SPRED2: variants seen among roughly 807,000 people sequenced by gnomAD.
The protein encoded by SPRED2 is sprouty-related, EVH1 domain-containing protein 2.
Under a neutral mutation model 43.0 loss-of-function variants are expected in SPRED2, and 47 were observed. The ratio of observed to expected loss-of-function variants is 1.09; its 90% confidence interval spans 0.87 to 1.40. The LOEUF is 1.40. SPRED2 is among the 40% of genes most tolerant of loss of function. SPRED2 has a pLI of 0.00. For synonymous variants in SPRED2, 225 were observed against 225.7 expected, an observed-to-expected ratio of 1.00 and a Z score of 0.03; for missense variants, 561 against 586.4, an observed-to-expected ratio of 0.96 and a Z score of 0.45.
chr2:65,313,884 G>T lies in SPRED2; in HGVS notation c.874C>A (p.Pro292Thr), dbSNP rs1484055076. ...CGCCGCCGCGACTTGCCCCGGGAGGGCTGCGTCTTGATCACGCTGCCCCCG... is the reference window on the plus strand; with the variant it reads ...CGCCGCCGCGACTTGCCCCGGGAGGTCTGCGTCTTGATCACGCTGCCCCCG... ...GRGGSVIKTQ[P>T]SRGKSRRRKE... Residue 292 changes from proline to threonine, a missense_variant, in exon 6 of 6, where the codon CCC becomes ACC. Transcript: ENST00000356388. 1.2e-6 allele frequency: 2 copies of T among 1,610,360 alleles called. No homozygotes were observed. Among genetic ancestry groups the T allele is most frequent in the Admixed American group, 1.7e-5 (1 of 60,016 alleles).
chr2:65,427,682 T>C (rs1676588003), intron 1 of SPRED2, among the ~76,000 whole-genome samples: 1 of 152,230 alleles, frequency 6.6e-6, no homozygotes, highest in Non-Finnish European at 1.5e-5. Context: ...TCACAGCATT[T>C]TCTGGGAAGA....
intron 1 of SPRED2, among the ~76,000 whole-genome samples, chr2:65,392,652 G>A (rs949107412): frequency 2.0e-5 from 3 of 152,120 alleles, no homozygotes; most frequent in Non-Finnish European, 4.4e-5. Context: ...CAAAGCCCAT[G>A]GTACAATGGA....
intron 1 of SPRED2, among the ~76,000 whole-genome samples, chr2:65,404,200 C>T (rs776205781): frequency 3.3e-5 from 4 of 120,718 alleles, no homozygotes; most frequent in East Asian, 2.1e-4. Context: ...AGTGAGACTC[C>T]GTCTCAAAAA....
At chr2:65,386,285 C>A (rs1286749322) in intron 1 of SPRED2, among the ~76,000 whole-genome samples, 181 of 55,356 alleles carry the variant, frequency 3.3e-3, no homozygotes, top group African/African-American at 8.2e-3. Flanking sequence ...GACTCTGTCT[C>A]AAAAAAAAAA....
intron 1 of SPRED2, among the ~76,000 whole-genome samples, chr2:65,356,185 A>G (rs565529730): frequency 6.6e-6 from 1 of 152,348 alleles, no homozygotes; most frequent in Non-Finnish European, 1.5e-5. Context: ...CCACCCGTTG[A>G]AATGTCTAGG....
intron 1 of SPRED2, among the ~76,000 whole-genome samples, chr2:65,413,112 C>G (rs1676199048): frequency 6.6e-6 from 1 of 152,210 alleles, no homozygotes; most frequent in African/African-American, 2.4e-5. Context: ...ATAAATTGTC[C>G]AGCAAGTGAC....
At position 65,402,825 on chromosome 2, in the gene SPRED2, G is replaced by A. The variant is rs569636301; in HGVS notation, c.26+29137C>T. Reference sequence around the variant, plus strand: ...GAAATTTTTAAAATCAATAGGCATGGTACAGACATGCAGAAAATCATAATT... The same window carrying A: ...GAAATTTTTAAAATCAATAGGCATGATACAGACATGCAGAAAATCATAATT... On this transcript the variant is annotated intron_variant, in intron 1 of 5. Coordinates refer to ENST00000356388, the MANE Select transcript of SPRED2 (RefSeq NM_181784.3). 5.3e-5 allele frequency among the ~76,000 whole-genome samples: 8 copies of A among 152,304 alleles called. No individual in the cohort carries two copies. In the South Asian group the frequency reaches 1.4e-3, roughly 28 times the overall value.
chr2:65,338,099 C>T (rs1230425102), intron 2 of SPRED2, among the ~76,000 whole-genome samples: 1 of 152,088 alleles, frequency 6.6e-6, no homozygotes. Flanking sequence ...CATGATGTTA[C>T]AAAATCAGGG....
intron 1 of SPRED2, among the ~76,000 whole-genome samples, chr2:65,371,543 T>A (rs1675124742): frequency 6.6e-6 from 1 of 152,138 alleles, no homozygotes; most frequent in Non-Finnish European, 1.5e-5. Flanking sequence ...GCAGATGATT[T>A]CTATTGTTAC....
At chr2:65,331,308 T>C (rs577924558) in intron 4 of SPRED2, among the ~76,000 whole-genome samples, 23 of 152,348 alleles carry the variant, frequency 1.5e-4, no homozygotes, top group African/African-American at 5.5e-4. Flanking sequence ...CGTAACTTGC[T>C]GCTCTAAGCA....
intron 1 of SPRED2, among the ~76,000 whole-genome samples, chr2:65,369,399 C>T (rs754553767): frequency 6.6e-5 from 10 of 152,174 alleles, no homozygotes; most frequent in Non-Finnish European, 1.3e-4. Context: ...ATCCCCACCC[C>T]CAACCCCCAC....
chr2:65,404,952 C>A (rs1675989437), intron 1 of SPRED2, among the ~76,000 whole-genome samples: 1 of 152,210 alleles, frequency 6.6e-6, no homozygotes, highest in African/African-American at 2.4e-5. Flanking sequence ...GCCTTTAATT[C>A]CTCACTTTCC....
rs139141614 is a variant in SPRED2, at chr2:65,418,717, C to T, written c.26+13245G>A. Among the ~76,000 whole-genome samples, 678 of 152,026 alleles carry T rather than the reference C, an allele frequency of 4.5e-3. 6 individuals carry two copies. Among genetic ancestry groups the T allele is most frequent in the African/African-American group, 0.014 (589 of 41,434 alleles). Reference sequence around the variant, plus strand: ...TACACATGCACGCCACCACGCCCAGCTAAGTTTTTGTATTTTTAGTAGAGA... The same window carrying T: ...TACACATGCACGCCACCACGCCCAGTTAAGTTTTTGTATTTTTAGTAGAGA... On this transcript the variant is annotated intron_variant, in intron 1 of 5. Coordinates refer to ENST00000356388, the MANE Select transcript of SPRED2 (RefSeq NM_181784.3).
chr2:65,392,155 T>C (rs1051764099), intron 1 of SPRED2, among the ~76,000 whole-genome samples: 2 of 151,494 alleles, frequency 1.3e-5, no homozygotes, highest in African/African-American at 2.4e-5. Flanking sequence ...TGATTTCCTC[T>C]GTCATTTCTT....
At chr2:65,392,948 G>A (rs1675672138) in intron 1 of SPRED2, among the ~76,000 whole-genome samples, 2 of 152,142 alleles carry the variant, frequency 1.3e-5, no homozygotes, top group African/African-American at 4.8e-5. Flanking sequence ...AGACCTCCAT[G>A]AACTAGAGAT....
At chr2:65,408,218 C>A (rs1270784576) in intron 1 of SPRED2, among the ~76,000 whole-genome samples, 3 of 152,216 alleles carry the variant, frequency 2.0e-5, no homozygotes, top group Non-Finnish European at 2.9e-5. Flanking sequence ...GATCACCCGG[C>A]ATGTATTAGG....
rs562912113 is a variant in SPRED2, at chr2:65,333,863, A to G, written c.373+742T>C. Among the ~76,000 whole-genome samples, 108 of 152,372 alleles carry G rather than the reference A, an allele frequency of 7.1e-4. 3 individuals are homozygous for G. The South Asian group carries it at 0.022, about 31-fold the overall frequency. ...ACACTTTTATTTCTTAAGCAAATGA[A>G]ACATACATCCTTTTGTGATTAATTT... On this transcript the variant is annotated intron_variant, in intron 3 of 5. Coordinates refer to ENST00000356388, the MANE Select transcript of SPRED2 (RefSeq NM_181784.3).
chr2:65,409,027 G>A (rs1455684424), intron 1 of SPRED2, among the ~76,000 whole-genome samples: 2 of 151,980 alleles, frequency 1.3e-5, no homozygotes, highest in African/African-American at 2.4e-5. Flanking sequence ...CCTCTTCATC[G>A]ACCCCAGACC....
In SPRED2 at chr2:65,388,023, C is replaced by T. The variant is rs377515159; in HGVS notation, c.27-43127G>A. ...GGCCAGGTTGGTCTCGAACTCCTGA[C>T]CTCAAGTGATCTGCCTCGGCCTCCC... On this transcript the variant is annotated intron_variant, in intron 1 of 5. Coordinates refer to ENST00000356388, the MANE Select transcript of SPRED2 (RefSeq NM_181784.3). Among the ~76,000 whole-genome samples, 105 of 152,270 alleles carry T rather than the reference C, an allele frequency of 6.9e-4. No homozygotes were observed. The South Asian group carries it at 0.019, about 28-fold the overall frequency.
Sources: allele counts gnomAD v4.1 joint callset (sites outside exome capture counted in the v4.1 genomes callset), GRCh38; gene constraint gnomAD v4.1.1; transcripts MANE v1.5; gene names NCBI Gene and HGNC (gene_info 2026-07-23, HGNC 2026-07-21).